MEGF10: variants seen among roughly 807,000 people sequenced by gnomAD.
The protein encoded by MEGF10 is multiple EGF like domains 10.
In MEGF10, 86 loss-of-function variants were observed where a neutral mutation model predicts 147.5. The observed-to-expected ratio is 0.58, with a 90% CI of 0.49 to 0.70. The LOEUF (loss-of-function observed/expected upper bound fraction) is 0.70. Among genes scored for constraint, MEGF10 ranks in the 30% least tolerant of loss-of-function variants. The pLI, the probability that MEGF10 is intolerant of heterozygous loss-of-function variation, is 0.00. For missense variants in MEGF10, 1,329 were observed against 1,487.3 expected, an observed-to-expected ratio of 0.89 and a Z score of 1.75; for synonymous variants, 478 against 525.5, an observed-to-expected ratio of 0.91 and a Z score of 1.24.
chr5:127,444,708 T>G (rs1026860173), intron 19 of MEGF10: 1 of 152,228 alleles, frequency 6.6e-6, no homozygotes, highest in African/African-American at 2.4e-5. Flanking sequence ...AGTAAGGTAT[T>G]AGGGTAATGC....
At chr5:127,305,147 CA>C (rs1352485979) in intron 1 of MEGF10, among the ~76,000 whole-genome samples, 1 of 152,072 alleles carries the variant, frequency 6.6e-6, no homozygotes, top group Non-Finnish European at 1.5e-5. Context: ...TTAGTGAGGC[CA>C]AAAGGTTACA....
chr5:127,287,388 C>G (rs1014681052), upstream of MEGF10, among the ~76,000 whole-genome samples: 2 of 151,924 alleles, frequency 1.3e-5, no homozygotes, highest in Non-Finnish European at 2.9e-5. Context: ...TAAATTTAGC[C>G]ATGTTGCAAA....
At chr5:127,255,830 A>C in the MEGF10 span, among the ~76,000 whole-genome samples, 2 of 151,080 alleles carry the variant, frequency 1.3e-5, no homozygotes. Context: ...TGGGAACACA[A>C]CCTCCTTTTT....
At chr5:127,390,032 G>C (rs1313610471) in intron 5 of MEGF10, among the ~76,000 whole-genome samples, 1 of 152,096 alleles carries the variant, frequency 6.6e-6, no homozygotes, top group Non-Finnish European at 1.5e-5. Context: ...CTGCCAAAAG[G>C]ATACATATTT....
intron 2 of MEGF10, among the ~76,000 whole-genome samples, chr5:127,333,090 G>C (rs1458966525): frequency 2.0e-5 from 3 of 152,108 alleles, no homozygotes; most frequent in Non-Finnish European, 4.4e-5. Context: ...GGTTAGTGTG[G>C]GTTTGCCATG....
chr5:127,285,909 G>A (rs1004628987), upstream of MEGF10, among the ~76,000 whole-genome samples: 2 of 152,082 alleles, frequency 1.3e-5, no homozygotes, highest in African/African-American at 4.8e-5. Flanking sequence ...TGGAATCCAT[G>A]TAAGCATGCA....
rs1308992690 is a variant in MEGF10, at chr5:127,391,133, CACACACACACACACACACACATACAT to C, written c.413-5398_413-5373del. On this transcript the variant is annotated intron_variant, in intron 5 of 24. Coordinates refer to ENST00000503335, the MANE Select transcript of MEGF10 (RefSeq NM_001256545.2). ...ACACACACACACACACACACACACA[CACACACACACACACACACACATACAT>C]GCTTATTTCTTTAGGAAAAACTCCC... Among the ~76,000 whole-genome samples the C allele has an allele frequency of 9.2e-3, 1,170 of 127,212 alleles. 23 individuals are homozygous for C. Among genetic ancestry groups the C allele is most frequent in the Non-Finnish European group, 0.013 (712 of 56,296 alleles). The allele number at this position is 127,212 out of a possible 152,430, so 83.5% of individuals were successfully genotyped here. A position where few individuals can be genotyped will look rare whatever the true frequency, so the allele number is the denominator to read the frequency against.
chr5:127,248,330 G>T, the MEGF10 span, among the ~76,000 whole-genome samples: 1 of 151,940 alleles, frequency 6.6e-6, no homozygotes, highest in African/African-American at 2.4e-5. Flanking sequence ...ATGTGCAATA[G>T]AAAATTACTA....
chr5:127,416,219 G>A (rs1261560696), intron 9 of MEGF10, among the ~76,000 whole-genome samples: 4 of 151,850 alleles, frequency 2.6e-5, no homozygotes, highest in African/African-American at 9.7e-5. Context: ...TAGTAGAGAC[G>A]AGGTTTCACC....
At chr5:127,338,486 T>G (rs1761553074) in intron 2 of MEGF10, among the ~76,000 whole-genome samples, 2 of 152,148 alleles carry the variant, frequency 1.3e-5, no homozygotes, top group Admixed American at 1.3e-4. Flanking sequence ...AACAGACTAT[T>G]TAAGTAGTAG....
At chr5:127,347,823 T>C (rs1484762421) in intron 4 of MEGF10, among the ~76,000 whole-genome samples, 3 of 152,102 alleles carry the variant, frequency 2.0e-5, no homozygotes, top group Non-Finnish European at 4.4e-5. Context: ...ACCCTGCATG[T>C]GTAATGTCCC....
At chr5:127,358,745 A>T (rs26947) in intron 4 of MEGF10, among the ~76,000 whole-genome samples, 58,957 of 152,022 alleles carry the variant, frequency 0.39, 12,676 homozygotes, top group Non-Finnish European at 0.49. Flanking sequence ...CAGTTGTATC[A>T]TCAGACCTGT....
At chr5:127,405,444 T>C (rs1351219088) in intron 8 of MEGF10, among the ~76,000 whole-genome samples, 1 of 152,194 alleles carries the variant, frequency 6.6e-6, no homozygotes, top group African/African-American at 2.4e-5. Context: ...AAAAACTTGC[T>C]TTTGACTATT....
At chr5:127,445,995 G>A (rs1168865358) in intron 20 of MEGF10, among the ~76,000 whole-genome samples, 1 of 152,174 alleles carries the variant, frequency 6.6e-6, no homozygotes, top group Non-Finnish European at 1.5e-5. Flanking sequence ...TGTCATATGT[G>A]AGGGGGGTGA....
the MEGF10 span, among the ~76,000 whole-genome samples, chr5:127,272,020 G>A: frequency 6.6e-6 from 1 of 152,066 alleles, no homozygotes; most frequent in Admixed American, 6.6e-5. Context: ...TGTCCTGAAT[G>A]GTATTGCCTA....
intron 11 of MEGF10, 96 bp downstream of exon 11, chr5:127,419,336 T>G: frequency 2.8e-6 from 4 of 1,454,264 alleles, no homozygotes; most frequent in Non-Finnish European, 3.7e-6. Context: ...CTAGCTCCAG[T>G]TGCACCAAAA....
chr5:127,272,309 A>ACCAG, the MEGF10 span, among the ~76,000 whole-genome samples: 1 of 152,164 alleles, frequency 6.6e-6, no homozygotes, highest in Admixed American at 6.6e-5. Context: ...TTGTACCAGT[A>ACCAG]CCAGTACCAT....
intron 8 of MEGF10, among the ~76,000 whole-genome samples, chr5:127,403,546 AT>A (rs538631749): frequency 1.3e-5 from 2 of 151,904 alleles, no homozygotes; most frequent in East Asian, 3.9e-4. Flanking sequence ...ATTCTTTCTA[AT>A]TTTTTTTGTA....
the MEGF10 span, among the ~76,000 whole-genome samples, chr5:127,239,135 C>T: frequency 6.6e-6 from 1 of 152,014 alleles, no homozygotes; most frequent in Non-Finnish European, 1.5e-5. Context: ...TCATGAAAGA[C>T]ACAAACGCTG....
Sources: allele counts gnomAD v4.1 joint callset (sites outside exome capture counted in the v4.1 genomes callset), GRCh38; gene constraint gnomAD v4.1.1; transcripts MANE v1.5; gene names NCBI Gene and HGNC (gene_info 2026-07-23, HGNC 2026-07-21).